Variants in MGAT4C observed in about 807,000 individuals in gnomAD.
MGAT4C encodes the protein alpha-1,3-mannosyl-glycoprotein 4-beta-N-acetylglucosaminyltransferase C.
MGAT4C carries 19 observed loss-of-function variants against 40.1 expected under a neutral mutation model. The ratio of observed to expected loss-of-function variants is 0.47; its 90% CI spans 0.33 to 0.70. The LOEUF (loss-of-function observed/expected upper bound fraction) is 0.70, where lower values mean the gene tolerates loss of function less well. Ranked by LOEUF, MGAT4C falls within the 30% of genes least tolerant of loss-of-function variation. The pLI is 0.02. For synonymous variants in MGAT4C, 181 were observed against 187.1 expected (o/e 0.97, Z 0.27); for missense variants, 491 against 563.2 (o/e 0.87, Z 1.30).
intron 4 of MGAT4C, among the ~76,000 whole-genome samples, chr12:86,305,313 C>T (rs1199876177): frequency 1.3e-5 from 2 of 149,766 alleles, no homozygotes; most frequent in African/African-American, 5.1e-5. Context: ...GTGGCGCATG[C>T]CTGTAATCCC....
chr12:86,378,456 C>A (rs891452555), intron 3 of MGAT4C, among the ~76,000 whole-genome samples: 34 of 151,892 alleles, frequency 2.2e-4, no homozygotes, highest in Admixed American at 2.2e-3. Flanking sequence ...ACAATATAAG[C>A]AATATGACTT....
chr12:86,378,363 C>A (rs1402337430), intron 3 of MGAT4C, among the ~76,000 whole-genome samples: 1 of 151,974 alleles, frequency 6.6e-6, no homozygotes, highest in Non-Finnish European at 1.5e-5. Context: ...AATTTGGAGT[C>A]AAAAAATAAG....
chr12:86,509,648 G>T (rs1239548609), intron 2 of MGAT4C, among the ~76,000 whole-genome samples: 2 of 152,018 alleles, frequency 1.3e-5, no homozygotes, highest in African/African-American at 2.4e-5. Context: ...AAATTACCTT[G>T]GGCAGTATGG....
At chr12:86,304,962 G>A (rs1466967953) in intron 4 of MGAT4C, among the ~76,000 whole-genome samples, 2 of 150,786 alleles carry the variant, frequency 1.3e-5, no homozygotes, top group African/African-American at 5.0e-5. Context: ...TCAGAACTGT[G>A]AGACAATAAC....
At chr12:86,509,617 T>A (rs1003875610) in intron 2 of MGAT4C, among the ~76,000 whole-genome samples, 1 of 152,154 alleles carries the variant, frequency 6.6e-6, no homozygotes, top group African/African-American at 2.4e-5. Flanking sequence ...GGTAGCTTGA[T>A]GGGGATGGCA....
At chr12:86,409,590 T>C (rs1287016577) in intron 3 of MGAT4C, among the ~76,000 whole-genome samples, 1 of 152,170 alleles carries the variant, frequency 6.6e-6, no homozygotes, top group Non-Finnish European at 1.5e-5. Flanking sequence ...AGCAACTACC[T>C]GTTCAATGTC....
chr12:86,055,776 A>C lies in MGAT4C; in HGVS notation c.-56-6053T>G, dbSNP rs182975994. Among the ~76,000 whole-genome samples the C allele has an allele frequency of 2.5e-4, 38 of 152,162 alleles. 1 individual carries two copies. The highest frequency in any genetic ancestry group is 1.5e-5 in the Non-Finnish European group (1 of 67,988). Reference sequence around the variant, plus strand: ...TTACCATCCTAAAATGGGTGAGGGTAAAGGGAGAATAGTATCTTGTTTTCA... The same window carrying C: ...TTACCATCCTAAAATGGGTGAGGGTCAAGGGAGAATAGTATCTTGTTTTCA... On this transcript the variant is annotated intron_variant, in intron 1 of 4. Transcript: ENST00000611864.
intron 3 of MGAT4C, among the ~76,000 whole-genome samples, chr12:86,350,891 C>T (rs1367767326): frequency 6.6e-6 from 1 of 151,828 alleles, no homozygotes; most frequent in African/African-American, 2.4e-5. Flanking sequence ...TCTAGAGCAA[C>T]TGTATTTTAT....
Position 86,650,362 on chromosome 12 carries a change from C to T in MGAT4C, c.-229+76847G>A, listed in dbSNP as rs1476970562. On this transcript the variant is annotated intron_variant, in intron 2 of 7. Coordinates refer to the MGAT4C transcript ENST00000548651. Reference sequence around the variant, plus strand: ...ATTATGCTAGAAACTCTGTTATGGGCTCAAAGAGGAACCCCATTATTACAA... The same window carrying T: ...ATTATGCTAGAAACTCTGTTATGGGTTCAAAGAGGAACCCCATTATTACAA... Among the ~76,000 whole-genome samples, 5 of 151,910 alleles carry T rather than the reference C, an allele frequency of 3.3e-5. No individual in the cohort carries two copies. The East Asian group carries it at 9.8e-4, about 30-fold the overall frequency.
At chr12:86,458,177 T>C (rs1957541345) in intron 2 of MGAT4C, among the ~76,000 whole-genome samples, 1 of 152,142 alleles carries the variant, frequency 6.6e-6, no homozygotes, top group African/African-American at 2.4e-5. Flanking sequence ...AAATTTATTT[T>C]AGAAGAAAAT....
chr12:86,059,275 C>CA (rs1893702545), intron 1 of MGAT4C, among the ~76,000 whole-genome samples: 3 of 152,182 alleles, frequency 2.0e-5, no homozygotes, highest in Admixed American at 1.3e-4. Flanking sequence ...TTCCTGACCT[C>CA]AAGTGATCCG....
At chr12:86,034,753 C>T (rs1335531757) in intron 2 of MGAT4C, among the ~76,000 whole-genome samples, 6 of 148,928 alleles carry the variant, frequency 4.0e-5, no homozygotes, top group South Asian at 2.1e-4. Flanking sequence ...CAACAGGTTC[C>T]GGTGTGTGAT....
At chr12:86,103,378 A>C (rs1002847616) in intron 1 of MGAT4C, among the ~76,000 whole-genome samples, 3 of 152,182 alleles carry the variant, frequency 2.0e-5, no homozygotes, top group African/African-American at 7.2e-5. Flanking sequence ...GCAAGCTTTG[A>C]GACAAACACA....
chr12:86,208,913 T>G (rs546309304), intron 1 of MGAT4C, among the ~76,000 whole-genome samples: 45 of 152,278 alleles, frequency 3.0e-4, no homozygotes, highest in Non-Finnish European at 1.6e-4. Context: ...AAAGGACCTA[T>G]ACATTCGCTA....
At chr12:86,529,843 C>T (rs1173985081) in intron 2 of MGAT4C, among the ~76,000 whole-genome samples, 2 of 151,722 alleles carry the variant, frequency 1.3e-5, no homozygotes, top group Non-Finnish European at 2.9e-5. Context: ...TTCATGGATA[C>T]CAAAAATCTG....
chr12:86,139,518 G>A (rs183337724), intron 1 of MGAT4C, among the ~76,000 whole-genome samples: 8 of 151,326 alleles, frequency 5.3e-5, no homozygotes, highest in African/African-American at 1.2e-4. Context: ...AAATTTTCAC[G>A]GATGTATAAT....
chr12:86,806,350 C>T (rs1288478898), intron 1 of MGAT4C, among the ~76,000 whole-genome samples: 1 of 151,754 alleles, frequency 6.6e-6, no homozygotes, highest in Non-Finnish European at 1.5e-5. Flanking sequence ...ATTTTGCAAA[C>T]TATATTATAA....
At position 86,699,611 on chromosome 12, in the gene MGAT4C, G is replaced by A. The variant is rs143604718; in HGVS notation, c.-229+27598C>T. 4.6e-5 allele frequency among the ~76,000 whole-genome samples: 7 copies of A among 152,126 alleles called. No individual in the cohort carries two copies. The East Asian group carries it at 1.4e-3, about 29-fold the overall frequency. On this transcript the variant is annotated intron_variant, in intron 2 of 7. Coordinates refer to the MGAT4C transcript ENST00000548651. ...GTGCAGCCAAAAAAACTGCATGTAAGTTTTGATACCCCATAAACTTAATTA... is the reference window on the plus strand; with the variant it reads ...GTGCAGCCAAAAAAACTGCATGTAAATTTTGATACCCCATAAACTTAATTA...
intron 1 of MGAT4C, among the ~76,000 whole-genome samples, chr12:86,835,959 A>ATATTTT (rs1347057046): frequency 9.9e-5 from 15 of 152,106 alleles, no homozygotes; most frequent in African/African-American, 3.6e-4. Context: ...ATGCAAAAAT[A>ATATTTT]TGTACCATTT....
Sources: allele counts gnomAD v4.1 joint callset (sites outside exome capture counted in the v4.1 genomes callset), GRCh38; gene constraint gnomAD v4.1.1; transcripts MANE v1.5; gene names NCBI Gene and HGNC (gene_info 2026-07-23, HGNC 2026-07-21).